Variants in DNAH12 observed in about 807,000 individuals in gnomAD.
DNAH12 encodes the protein dynein axonemal heavy chain 12.
In DNAH12, 285 loss-of-function variants were observed where a neutral mutation model predicts 371.5. The observed-to-expected ratio is 0.77, with a 90% CI of 0.70 to 0.85. DNAH12 has a LOEUF of 0.85. Ranked by LOEUF, DNAH12 falls within the 40% of genes least tolerant of loss-of-function variation. DNAH12 has a pLI of 0.00. For synonymous variants in DNAH12, 1,200 were observed against 1,213.0 expected (o/e 0.99, Z 0.22); for missense variants, 3,611 against 3,689.4 (o/e 0.98, Z 0.55).
chr3:57,466,803 C>G (rs1005060977), intron 17 of DNAH12, among the ~76,000 whole-genome samples: 23 of 152,150 alleles, frequency 1.5e-4, no homozygotes, highest in Admixed American at 1.4e-3. Context: ...AGGAGTGCGG[C>G]AGTATAATCA....
chr3:57,521,566 C>G (rs770628372), intron 4 of DNAH12, among the ~76,000 whole-genome samples: 2 of 152,160 alleles, frequency 1.3e-5, no homozygotes, highest in Non-Finnish European at 2.9e-5. Flanking sequence ...GTCATCTATT[C>G]TGTTCCACTA....
intron 38 of DNAH12, among the ~76,000 whole-genome samples, chr3:57,414,531 C>T (rs1484890005): frequency 1.3e-5 from 2 of 152,136 alleles, no homozygotes; most frequent in East Asian, 3.9e-4. Flanking sequence ...TCAATCCTCA[C>T]CCTCCTCCCC....
chr3:57,362,334 C>T (rs1349863228), intron 58 of DNAH12, among the ~76,000 whole-genome samples: 2 of 152,110 alleles, frequency 1.3e-5, no homozygotes, highest in Non-Finnish European at 2.9e-5. Context: ...CATACGTGTG[C>T]ATGTGTCTTT....
At chr3:57,418,559 T>C (rs1392205133) in intron 37 of DNAH12, among the ~76,000 whole-genome samples, 1 of 147,260 alleles carries the variant, frequency 6.8e-6, no homozygotes, top group Non-Finnish European at 1.5e-5. Context: ...AACAAAAAAC[T>C]GCTATACTAG....
intron 52 of DNAH12, among the ~76,000 whole-genome samples, chr3:57,377,590 ATGTTTTGGG>A (rs1423591321): frequency 6.6e-6 from 1 of 151,164 alleles, no homozygotes; most frequent in East Asian, 1.9e-4. Flanking sequence ...ACACATGAAT[ATGTTTTGGG>A]TGTTTTTTTT....
At chr3:57,356,590 C>A (rs2062806934) in intron 59 of DNAH12, among the ~76,000 whole-genome samples, 1 of 151,746 alleles carries the variant, frequency 6.6e-6, no homozygotes, top group African/African-American at 2.4e-5. Flanking sequence ...ATGTGCCTGC[C>A]TCATTGAAAT....
intron 13 of DNAH12, among the ~76,000 whole-genome samples, chr3:57,476,706 T>C (rs975866380): frequency 6.6e-6 from 1 of 152,242 alleles, no homozygotes; most frequent in Non-Finnish European, 1.5e-5. Context: ...ACATTCCAAA[T>C]TGTACAATTC....
At chr3:57,321,209 T>C (rs1180269500) in intron 65 of DNAH12, among the ~76,000 whole-genome samples, 1 of 152,176 alleles carries the variant, frequency 6.6e-6, no homozygotes, top group African/African-American at 2.4e-5. Flanking sequence ...ATCTTCTCCA[T>C]TCTACTAAGC....
intron 59 of DNAH12, among the ~76,000 whole-genome samples, chr3:57,356,495 A>C (rs2062805059): frequency 6.7e-6 from 1 of 149,858 alleles, no homozygotes. Flanking sequence ...AAATAAAATA[A>C]AGAAAAAAGA....
At chr3:57,389,599 A>G (rs2063566983) in intron 45 of DNAH12, among the ~76,000 whole-genome samples, 1 of 151,806 alleles carries the variant, frequency 6.6e-6, no homozygotes, top group African/African-American at 2.4e-5. Flanking sequence ...AAGCAACAAG[A>G]TTGAGAGACA....
intron 12 of DNAH12, among the ~76,000 whole-genome samples, chr3:57,487,171 C>T (rs903791244): frequency 6.6e-6 from 1 of 151,696 alleles, no homozygotes; most frequent in Admixed American, 6.6e-5. Context: ...CACAGTGGCC[C>T]ACACCTGTAA....
chr3:57,332,421 G>A (rs539113886), intron 62 of DNAH12, among the ~76,000 whole-genome samples: 1 of 152,150 alleles, frequency 6.6e-6, no homozygotes, highest in Admixed American at 6.5e-5. Context: ...TTAAAAAACA[G>A]GCACAATTAA....
At chr3:57,303,853 G>A (rs961628005) in intron 69 of DNAH12, among the ~76,000 whole-genome samples, 2 of 152,160 alleles carry the variant, frequency 1.3e-5, no homozygotes, top group Admixed American at 6.5e-5. Context: ...TGACCTGCAC[G>A]TATACATCCA....
chr3:57,360,732 G>A (rs1270945432), intron 58 of DNAH12, among the ~76,000 whole-genome samples: 3 of 152,086 alleles, frequency 2.0e-5, no homozygotes, highest in African/African-American at 7.2e-5. Context: ...CAGAGCAAGG[G>A]TGCATTGTGG....
chr3:57,487,395 G>C (rs2066967140), intron 12 of DNAH12, among the ~76,000 whole-genome samples: 1 of 121,466 alleles, frequency 8.2e-6, no homozygotes, highest in South Asian at 3.0e-4. Flanking sequence ...GAAAGAGAAA[G>C]AAAGAAAGAA....
At chr3:57,330,281 C>T (rs1489393714) in intron 62 of DNAH12, among the ~76,000 whole-genome samples, 1 of 151,294 alleles carries the variant, frequency 6.6e-6, no homozygotes, top group Non-Finnish European at 1.5e-5. Context: ...TATTGCGGCA[C>T]TATTCACAAT....
chr3:57,361,832 T>A (rs2062943435), intron 58 of DNAH12, among the ~76,000 whole-genome samples: 1 of 152,124 alleles, frequency 6.6e-6, no homozygotes, highest in Non-Finnish European at 1.5e-5. Context: ...CCAATAATAA[T>A]AACTTACCTG....
intron 60 of DNAH12, among the ~76,000 whole-genome samples, chr3:57,344,003 T>G (rs1005075486): frequency 5.3e-5 from 8 of 152,170 alleles, no homozygotes; most frequent in African/African-American, 1.9e-4. Context: ...TCTACACTCC[T>G]TTTTGCTAAA....
intron 51 of DNAH12, among the ~76,000 whole-genome samples, chr3:57,379,627 G>C (rs1205920469): frequency 6.6e-6 from 1 of 151,972 alleles, no homozygotes; most frequent in Non-Finnish European, 1.5e-5. Context: ...GATCACTTGA[G>C]ACCAGGAGTT....
Sources: allele counts gnomAD v4.1 joint callset (sites outside exome capture counted in the v4.1 genomes callset), GRCh38; gene constraint gnomAD v4.1.1; transcripts MANE v1.5; gene names NCBI Gene and HGNC (gene_info 2026-07-23, HGNC 2026-07-21).